Variants in MEGF11 observed in about 807,000 individuals in gnomAD.
MEGF11 encodes multiple EGF like domains 11, also known as multiple epidermal growth factor-like domains protein 11.
A neutral mutation model predicts 146.6 loss-of-function variants in MEGF11; 126 were observed. The observed-to-expected ratio is 0.86, with a 90% CI of 0.74 to 1.00. MEGF11 has a LOEUF of 1.00. MEGF11 is among the 50% of genes least tolerant of loss of function. The pLI is 0.00. For missense variants in MEGF11, 1,509 were observed against 1,521.2 expected (o/e 0.99, Z 0.13); for synonymous variants, 532 against 583.4 (o/e 0.91, Z 1.27).
chr15:66,170,543 T>C (rs1443630104), intron 1 of MEGF11, among the ~76,000 whole-genome samples: 4 of 152,240 alleles, frequency 2.6e-5, no homozygotes, highest in African/African-American at 9.6e-5. Flanking sequence ...CTCTCTGGGC[T>C]TCAGCGTCCT....
chr15:66,019,692 G>C (rs978991472), intron 5 of MEGF11, among the ~76,000 whole-genome samples: 1 of 152,250 alleles, frequency 6.6e-6, no homozygotes, highest in African/African-American at 2.4e-5. Flanking sequence ...AATACTGCTT[G>C]CTGGGTGACC....
Position 65,915,468 on chromosome 15 carries a change from ACCTTGG to A in MEGF11, c.2469_2473+1del. 1 of 1,613,770 alleles carries A rather than the reference ACCTTGG, an allele frequency of 6.2e-7. No individual in the cohort carries two copies. On this transcript the variant is annotated splice_donor_variant and coding_sequence_variant, in exon 19 of 26. Transcript: ENST00000395614. LOFTEE classifies it high-confidence loss of function. ...CCCGGGGCTCTGCCACGTGTGTATTACCTTGGTCACACCTGATTCCTTTGAAGCCAG... is the reference window on the plus strand; with the variant it reads ...CCCGGGGCTCTGCCACGTGTGTATTATCACACCTGATTCCTTTGAAGCCAG...
intron 1 of MEGF11, among the ~76,000 whole-genome samples, chr15:66,191,195 A>G (rs770230246): frequency 1.3e-5 from 2 of 152,140 alleles, no homozygotes; most frequent in Non-Finnish European, 2.9e-5. Flanking sequence ...CAAAAATCCT[A>G]CTTTGCTATC....
At chr15:66,138,057 C>A (rs1361283604) in intron 1 of MEGF11, among the ~76,000 whole-genome samples, 1 of 152,062 alleles carries the variant, frequency 6.6e-6, no homozygotes, top group Non-Finnish European at 1.5e-5. Context: ...GGCAAGATCC[C>A]ATCTTAAAAA....
intron 10 of MEGF11, among the ~76,000 whole-genome samples, chr15:65,953,972 G>GC (rs2080490394): frequency 6.6e-6 from 1 of 152,148 alleles, no homozygotes; most frequent in African/African-American, 2.4e-5. Context: ...AAGACCCCGG[G>GC]CAGGGAGAGC....
chr15:66,070,068 C>T (rs1239718341), intron 5 of MEGF11, among the ~76,000 whole-genome samples: 1 of 152,234 alleles, frequency 6.6e-6, no homozygotes, highest in Non-Finnish European at 1.5e-5. Context: ...GAAATGACCT[C>T]AGCAGTCTGG....
chr15:65,916,988 G>A, intron 16 of MEGF11, 32 bp from the exon 17 acceptor site: 2 of 1,466,670 alleles, frequency 1.4e-6, no homozygotes, highest in Non-Finnish European at 1.8e-6. Context: ...GAGGGTGAGG[G>A]GAAGGCAGAG....
At chr15:66,060,870 C>T (rs549168845) in intron 5 of MEGF11, among the ~76,000 whole-genome samples, 5 of 152,226 alleles carry the variant, frequency 3.3e-5, no homozygotes, top group East Asian at 1.9e-4. Context: ...TCTAAAGGGA[C>T]GGAAACAGAG....
At chr15:66,080,316 AG>A (rs1567231368) in intron 5 of MEGF11, among the ~76,000 whole-genome samples, 1 of 152,200 alleles carries the variant, frequency 6.6e-6, no homozygotes, top group Non-Finnish European at 1.5e-5. Context: ...GCGGGACCTC[AG>A]GCCATTATGT....
chr15:65,935,407 G>C (rs981588874), intron 10 of MEGF11, among the ~76,000 whole-genome samples: 1 of 150,038 alleles, frequency 6.7e-6, no homozygotes, highest in Admixed American at 6.6e-5. Flanking sequence ...AAGGCAGGAG[G>C]GTGAGCAGTC....
intron 5 of MEGF11, among the ~76,000 whole-genome samples, chr15:66,028,733 CTA>C (rs1307971928): frequency 1.3e-5 from 2 of 152,036 alleles, no homozygotes; most frequent in African/African-American, 4.8e-5. Context: ...TTTATGAAAA[CTA>C]TGTTATGTGG....
At chr15:66,013,457 C>G (rs2082775929) in intron 5 of MEGF11, among the ~76,000 whole-genome samples, 1 of 151,820 alleles carries the variant, frequency 6.6e-6, no homozygotes, top group African/African-American at 2.4e-5. Context: ...CTTGGGGATA[C>G]AGAAGGAGCC....
Position 65,955,794 on chromosome 15 carries a change from ACACACACACACACACACACAATACTT to A in MEGF11, c.1287+1727_1287+1752del, listed in dbSNP as rs1297504052. Among the ~76,000 whole-genome samples, 13 of 25,750 alleles carry A rather than the reference ACACACACACACACACACACAATACTT, an allele frequency of 5.0e-4. 1 individual carries two copies. The highest frequency in any genetic ancestry group is 7.3e-4 in the African/African-American group (6 of 8,246). The allele number at this position is 25,750 out of a possible 152,430, so 16.9% of individuals were successfully genotyped here. ...TATATATATATATATATATATATAT[ACACACACACACACACACACAATACTT>A]TAAATATATAACATGTAATCAATAT... On this transcript the variant is annotated intron_variant, in intron 10 of 25. Transcript: ENST00000395614.
chr15:65,906,044 C>T (rs998463086), intron 24 of MEGF11, 41 bp downstream of exon 24: 6 of 1,529,632 alleles, frequency 3.9e-6, no homozygotes, highest in African/African-American at 1.4e-5. Flanking sequence ...CTTTATCTTG[C>T]TAAGCCCTCT....
chr15:66,151,846 G>A (rs1019278082), intron 1 of MEGF11, among the ~76,000 whole-genome samples: 1 of 152,186 alleles, frequency 6.6e-6, no homozygotes, highest in Non-Finnish European at 1.5e-5. Flanking sequence ...GATAAGAAGG[G>A]GAGCAGGGCT....
intron 1 of MEGF11, among the ~76,000 whole-genome samples, chr15:66,190,946 T>A (rs2090852991): frequency 6.6e-6 from 1 of 151,704 alleles, no homozygotes; most frequent in South Asian, 2.1e-4. Context: ...GCAATTGTAT[T>A]CCAACCTAAC....
intron 7 of MEGF11, among the ~76,000 whole-genome samples, chr15:65,975,491 G>A (rs575823231): frequency 1.4e-4 from 22 of 152,252 alleles, no homozygotes; most frequent in African/African-American, 4.3e-4. Context: ...ATCCAAGCCC[G>A]CCGAATCTCT....
chr15:66,000,159 C>T lies in MEGF11; in HGVS notation c.395-17671G>A, dbSNP rs555817118. 4.6e-5 allele frequency among the ~76,000 whole-genome samples: 7 copies of T among 152,308 alleles called. No individual in the cohort carries two copies. The South Asian group carries it at 1.5e-3, about 32-fold the overall frequency. On this transcript the variant is annotated intron_variant, in intron 5 of 25. Coordinates refer to ENST00000395614, the MANE Select transcript of MEGF11 (RefSeq NM_001385028.1). ...AGGTGTTGGGTGCTCCCCACTAGCT[C>T]TGTGTGTCCTTCTGTGGTGGAGTGA...
intron 5 of MEGF11, among the ~76,000 whole-genome samples, chr15:66,052,235 G>A (rs1454095617): frequency 8.5e-5 from 13 of 152,132 alleles, no homozygotes; most frequent in Non-Finnish European, 1.5e-5. Context: ...CTCCAGGTGG[G>A]GCTGTGCTGG....
Sources: allele counts gnomAD v4.1 joint callset (sites outside exome capture counted in the v4.1 genomes callset), GRCh38; gene constraint gnomAD v4.1.1; transcripts MANE v1.5; gene names NCBI Gene and HGNC (gene_info 2026-07-23, HGNC 2026-07-21).